The following PLXDC2 variants were observed in gnomAD, a reference collection of about 807,000 sequenced individuals.
PLXDC2 encodes plexin domain containing 2.
PLXDC2 carries 40 observed loss-of-function variants against 68.9 expected under a neutral mutation model. The ratio of observed to expected loss-of-function variants is 0.58; its 90% CI spans 0.45 to 0.76. PLXDC2 has a LOEUF of 0.76. Ranked by LOEUF, PLXDC2 falls within the 30% of genes least tolerant of loss-of-function variation. The probability of loss-of-function intolerance (pLI) is 0.00; values close to 1 mark genes in which losing one functional copy is unlikely to be tolerated. For synonymous variants in PLXDC2, 243 were observed against 234.2 expected (o/e 1.04, Z -0.34); for missense variants, 644 against 661.9 (o/e 0.97, Z 0.30).
chr10:20,235,012 G>C (rs1835414894), intron 12 of PLXDC2, among the ~76,000 whole-genome samples: 1 of 152,186 alleles, frequency 6.6e-6, no homozygotes, highest in Non-Finnish European at 1.5e-5. Flanking sequence ...ACAGATAACT[G>C]CGGAAGGGTT....
intron 4 of PLXDC2, among the ~76,000 whole-genome samples, chr10:20,118,105 TACACAC>T (rs60160833): frequency 0.52 from 76,285 of 146,622 alleles, 21,191 homozygotes; most frequent in Non-Finnish European, 0.66. Context: ...CATATATGCC[TACACAC>T]ACACACACAC....
intron 9 of PLXDC2, among the ~76,000 whole-genome samples, chr10:20,188,733 A>T (rs1834719119): frequency 6.6e-6 from 1 of 151,858 alleles, no homozygotes; most frequent in Non-Finnish European, 1.5e-5. Context: ...GTTGAGCCTG[A>T]TAAAAGAAAG....
chr10:20,140,369 G>A (rs925083002), intron 4 of PLXDC2, among the ~76,000 whole-genome samples: 2 of 138,692 alleles, frequency 1.4e-5, no homozygotes, highest in African/African-American at 2.8e-5. Context: ...CCCAAAAAAT[G>A]AAGGACCAGA....
chr10:19,847,798 A>G (rs1589498490), intron 1 of PLXDC2, among the ~76,000 whole-genome samples: 1 of 152,124 alleles, frequency 6.6e-6, no homozygotes, highest in East Asian at 1.9e-4. Context: ...CATAGAGTCT[A>G]TATTTTGGCT....
chr10:20,274,117 G>C (rs1204510129), intron 13 of PLXDC2, among the ~76,000 whole-genome samples: 1 of 151,792 alleles, frequency 6.6e-6, no homozygotes, highest in African/African-American at 2.4e-5. Context: ...AAGAAAGAAG[G>C]AAGGAAAGAA....
In PLXDC2 at chr10:20,283,789, A is replaced by G. The variant is rs376399774; in HGVS notation, c.*3970A>G. The stretch of plus-strand genomic sequence containing the variant: ...CTATCTCAAACATAAATAATTTCAT[A>G]TTTATTTTATCACTGTAACACTAAG... On this transcript the variant is annotated 3_prime_UTR_variant, in exon 14 of 14. Coordinates refer to ENST00000377252, the MANE Select transcript of PLXDC2 (RefSeq NM_032812.9). 6 of 152,328 alleles carry G rather than the reference A, an allele frequency of 3.9e-5. No individual in the cohort carries two copies. The South Asian group carries it at 8.3e-4, about 21-fold the overall frequency. The allele number at this position is 152,328 out of a possible 1,614,324, so 9.4% of individuals were successfully genotyped here. A position where few individuals can be genotyped will look rare whatever the true frequency, so the allele number is the denominator to read the frequency against.
At chr10:20,042,171 C>T (rs1463924491) in intron 2 of PLXDC2, among the ~76,000 whole-genome samples, 1 of 152,120 alleles carries the variant, frequency 6.6e-6, no homozygotes, top group Non-Finnish European at 1.5e-5. Context: ...GTGGGTTCAT[C>T]TCTGTAATTC....
chr10:20,054,512 C>A (rs1407845207), intron 3 of PLXDC2, among the ~76,000 whole-genome samples: 2 of 151,754 alleles, frequency 1.3e-5, no homozygotes, highest in Non-Finnish European at 2.9e-5. Flanking sequence ...GCTAGGTAGA[C>A]AGATATATTA....
intron 1 of PLXDC2, among the ~76,000 whole-genome samples, chr10:19,929,440 T>TA (rs1383397626): frequency 6.6e-6 from 1 of 152,168 alleles, no homozygotes; most frequent in Non-Finnish European, 1.5e-5. Context: ...AAAGGTTAAA[T>TA]AGATTGTCAA....
At chr10:20,136,942 C>T (rs538680552) in intron 4 of PLXDC2, among the ~76,000 whole-genome samples, 2 of 152,172 alleles carry the variant, frequency 1.3e-5, no homozygotes, top group Admixed American at 6.5e-5. Flanking sequence ...CCACTTGCAA[C>T]CAATAGGAGG....
At chr10:19,912,870 T>C (rs1833299271) in intron 1 of PLXDC2, among the ~76,000 whole-genome samples, 1 of 152,204 alleles carries the variant, frequency 6.6e-6, no homozygotes, top group Non-Finnish European at 1.5e-5. Context: ...TTTTTTAAAT[T>C]ACTGGCTATC....
intron 2 of PLXDC2, among the ~76,000 whole-genome samples, chr10:20,028,301 T>C (rs915878218): frequency 1.3e-5 from 2 of 152,172 alleles, no homozygotes; most frequent in Non-Finnish European, 1.5e-5. Flanking sequence ...ACAGACAAAT[T>C]TGAGAATCAC....
intron 1 of PLXDC2, among the ~76,000 whole-genome samples, chr10:19,938,021 C>A (rs1259336328): frequency 2.0e-5 from 3 of 152,148 alleles, no homozygotes; most frequent in Admixed American, 1.3e-4. Flanking sequence ...TTTGACTTCT[C>A]AGTGGTTATA....
chr10:20,262,636 G>A (rs551869891), intron 13 of PLXDC2, among the ~76,000 whole-genome samples: 12 of 152,282 alleles, frequency 7.9e-5, no homozygotes, highest in South Asian at 4.1e-4. Flanking sequence ...TGCTTTAAGC[G>A]GGTACCGAAT....
At chr10:20,273,055 T>C (rs1232830269) in intron 13 of PLXDC2, among the ~76,000 whole-genome samples, 2 of 152,322 alleles carry the variant, frequency 1.3e-5, no homozygotes, top group East Asian at 1.9e-4. Context: ...TGTGTTAAAA[T>C]AGTAGATTCT....
At chr10:20,270,282 A>G (rs1207150584) in intron 13 of PLXDC2, among the ~76,000 whole-genome samples, 1 of 152,126 alleles carries the variant, frequency 6.6e-6, no homozygotes, top group Non-Finnish European at 1.5e-5. Context: ...GTAAAGGTTT[A>G]TATGTGAAAG....
intron 4 of PLXDC2, among the ~76,000 whole-genome samples, chr10:20,123,208 C>T (rs1433080251): frequency 4.0e-5 from 6 of 151,700 alleles, no homozygotes; most frequent in Admixed American, 3.3e-4. Flanking sequence ...CTCGGCCTGG[C>T]GAGGAGCAGC....
At chr10:19,870,257 C>T (rs990064851) in intron 1 of PLXDC2, among the ~76,000 whole-genome samples, 3 of 152,090 alleles carry the variant, frequency 2.0e-5, no homozygotes, top group East Asian at 3.9e-4. Flanking sequence ...GTCAAATCAA[C>T]TAGGGTAGTT....
At chr10:20,156,014 G>A (rs1266048777) in intron 6 of PLXDC2, among the ~76,000 whole-genome samples, 2 of 152,036 alleles carry the variant, frequency 1.3e-5, no homozygotes, top group Non-Finnish European at 2.9e-5. Context: ...CAAGGAGCTG[G>A]GATTACAGGT....
Sources: gnomAD v4.1 joint callset for allele counts (sites outside exome capture counted in the v4.1 genomes callset) on GRCh38, gnomAD v4.1.1 for gene constraint, MANE v1.5 for transcripts, NCBI Gene and HGNC (gene_info 2026-07-23, HGNC 2026-07-21) for gene names.